The following ZNF365 variants were observed in gnomAD, a reference collection of about 807,000 sequenced individuals.
The protein encoded by ZNF365 is protein ZNF365.
ZNF365 carries 22 observed loss-of-function variants against 35.0 expected under a neutral mutation model. The observed-to-expected ratio is 0.63, with a 90% CI of 0.45 to 0.90. ZNF365 has a LOEUF of 0.90. Ranked by LOEUF, ZNF365 falls within the 40% of genes least tolerant of loss-of-function variation. The pLI is 0.00. For synonymous variants in ZNF365, 188 were observed against 196.2 expected (o/e 0.96, Z 0.35); for missense variants, 448 against 500.3 (o/e 0.90, Z 1.00).
intron 4 of ZNF365, among the ~76,000 whole-genome samples, chr10:62,472,865 G>A (rs1478090292): frequency 6.6e-6 from 1 of 152,046 alleles, no homozygotes; most frequent in African/African-American, 2.4e-5. Flanking sequence ...ATGGATATGG[G>A]GAAAATTCCA....
At chr10:62,479,973 C>T in exon 5 of ZNF365, 1 of 1,599,372 alleles carries the variant, frequency 6.3e-7, no homozygotes, top group Non-Finnish European at 8.5e-7. Flanking sequence ...GAGAAGCTTT[C>T]ATTCATTCAA....
Position 62,376,592 on chromosome 10 carries a change from C to A in ZNF365, c.399C>A (p.Asp133Glu). 5.0e-6 allele frequency: 8 copies of A among 1,614,132 alleles called. No homozygotes were observed. Among genetic ancestry groups the A allele is most frequent in the Non-Finnish European group, 6.8e-6 (8 of 1,180,044 alleles). Residue 133 changes from aspartate (D) to glutamate (E), a missense_variant, in exon 2 of 5, where the codon GAC (aspartate) becomes GAA (glutamate). By Grantham distance (45) the Asp-to-Glu change is conservative. Coordinates refer to ENST00000395254, the MANE Select transcript of ZNF365 (RefSeq NM_014951.3). ...VSYVQTYTAM[D>E]LHADSLDGTR... is the part of the protein sequence containing the mutation. Reference sequence around the variant, plus strand: ...ATGTGCAGACCTACACTGCCATGGACCTCCATGCAGACTCGCTGGATGGGA... The same window carrying A: ...ATGTGCAGACCTACACTGCCATGGAACTCCATGCAGACTCGCTGGATGGGA...
intron 4 of ZNF365, among the ~76,000 whole-genome samples, chr10:62,460,383 C>T (rs577334440): frequency 1.3e-5 from 2 of 152,302 alleles, no homozygotes; most frequent in African/African-American, 2.4e-5. Context: ...CTTATAAATA[C>T]ATACCTGTGA....
At chr10:62,450,591 A>G (rs1045668537) in intron 3 of ZNF365, among the ~76,000 whole-genome samples, 1 of 152,198 alleles carries the variant, frequency 6.6e-6, no homozygotes, top group Non-Finnish European at 1.5e-5. Flanking sequence ...GCTAACCCCT[A>G]TTCCTTTCTG....
At chr10:62,459,608 C>A in intron 3 of ZNF365, 1 of 1,027,186 alleles carries the variant, frequency 9.7e-7, no homozygotes, top group Non-Finnish European at 1.4e-6. Context: ...ATTTCTGTTT[C>A]TAGCCTGGGA....
chr10:62,418,311 C>T (rs186637451), intron 3 of ZNF365, among the ~76,000 whole-genome samples: 12 of 151,986 alleles, frequency 7.9e-5, no homozygotes, highest in East Asian at 1.9e-4. Flanking sequence ...ATAAGTTAGA[C>T]GCAGGGGCTT....
rs117895967 is a variant in ZNF365 at position 62,427,016 on chromosome 10, C to A, written c.925-32725C>A. ...TGTCAATAATGGACCACATATATGA[C>A]AATGGTCCCATAAGGTTATAATGGA... On this transcript the variant is annotated intron_variant, in intron 3 of 4. Transcript: ENST00000395255. Among the ~76,000 whole-genome samples, 1,490 of 152,276 alleles carry A rather than the reference C, an allele frequency of 9.8e-3. 15 individuals are homozygous for A. Among genetic ancestry groups the A allele is most frequent in the Middle Eastern group, 0.017 (5 of 294 alleles).
intron 2 of ZNF365, among the ~76,000 whole-genome samples, chr10:62,385,275 G>T (rs1437804973): frequency 6.6e-6 from 1 of 151,974 alleles, no homozygotes; most frequent in African/African-American, 2.4e-5. Context: ...TCAGCTTCAG[G>T]GCACAAGATA....
chr10:62,384,122 T>A (rs10821986), intron 2 of ZNF365, among the ~76,000 whole-genome samples: 35,196 of 137,756 alleles, frequency 0.26, 4,680 homozygotes, highest in African/African-American at 0.37. Flanking sequence ...TTTTTTTTTT[T>A]AAATAAAGAA....
At chr10:62,463,522 T>C (rs981261359) in intron 4 of ZNF365, among the ~76,000 whole-genome samples, 5 of 152,206 alleles carry the variant, frequency 3.3e-5, no homozygotes, top group Non-Finnish European at 5.9e-5. Context: ...TATGTGCGGC[T>C]TTGGTACATG....
intron 4 of ZNF365, among the ~76,000 whole-genome samples, chr10:62,460,051 C>T (rs1370676047): frequency 2.6e-5 from 4 of 152,058 alleles, no homozygotes; most frequent in African/African-American, 9.7e-5. Context: ...TGAATAGTAC[C>T]AGATTTGAGT....
At chr10:62,375,271 C>T (rs1245546965) in intron 1 of ZNF365, among the ~76,000 whole-genome samples, 6 of 152,124 alleles carry the variant, frequency 3.9e-5, no homozygotes, top group Non-Finnish European at 8.8e-5. Context: ...ATGCTGATAC[C>T]TACCTGGTTC....
chr10:62,392,102 T>A (rs1839640701), intron 3 of ZNF365, among the ~76,000 whole-genome samples: 1 of 152,226 alleles, frequency 6.6e-6, no homozygotes, highest in South Asian at 2.1e-4. Context: ...GGATTGTTTT[T>A]TTCTTGCTAA....
intron 3 of ZNF365, among the ~76,000 whole-genome samples, chr10:62,449,215 G>A (rs1019936685): frequency 6.6e-6 from 1 of 152,118 alleles, no homozygotes; most frequent in African/African-American, 2.4e-5. Context: ...GTATTGTATG[G>A]CCAATATTGA....
At chr10:62,461,895 A>C (rs1840853888) in intron 4 of ZNF365, among the ~76,000 whole-genome samples, 1 of 152,254 alleles carries the variant, frequency 6.6e-6, no homozygotes, top group Non-Finnish European at 1.5e-5. Flanking sequence ...AACTTATATT[A>C]AAAATATAGA....
At chr10:62,414,798 C>T (rs898958074) in intron 3 of ZNF365, among the ~76,000 whole-genome samples, 1 of 152,146 alleles carries the variant, frequency 6.6e-6, no homozygotes, top group Non-Finnish European at 1.5e-5. Flanking sequence ...CTGTCTCATT[C>T]TTTCCTATCC....
At chr10:62,469,984 T>C (rs2132489165) in intron 4 of ZNF365, among the ~76,000 whole-genome samples, 1 of 152,376 alleles carries the variant, frequency 6.6e-6, no homozygotes, top group South Asian at 2.1e-4. Context: ...TTAATGTGTA[T>C]ATATTGTATC....
At chr10:62,460,668 C>A (rs767311802) in intron 4 of ZNF365, among the ~76,000 whole-genome samples, 1 of 152,100 alleles carries the variant, frequency 6.6e-6, no homozygotes, top group African/African-American at 2.4e-5. Flanking sequence ...AAGAGAGATA[C>A]AAATCAGGCT....
intron 3 of ZNF365, among the ~76,000 whole-genome samples, chr10:62,458,428 G>T (rs968726352): frequency 4.6e-5 from 7 of 150,880 alleles, no homozygotes; most frequent in African/African-American, 1.7e-4. Context: ...ATTTTGAAAA[G>T]GAGTGTAGAT....
Sources: gnomAD v4.1 joint callset for allele counts (sites outside exome capture counted in the v4.1 genomes callset) on GRCh38, gnomAD v4.1.1 for gene constraint, MANE v1.5 for transcripts, NCBI Gene and HGNC (gene_info 2026-07-23, HGNC 2026-07-21) for gene names.